CSMD1: variants seen among roughly 807,000 people sequenced by gnomAD.
CSMD1 encodes CUB and sushi domain-containing protein 1.
A neutral mutation model predicts 417.5 loss-of-function variants in CSMD1; 213 were observed. That is an observed-to-expected ratio of 0.51 (90% CI 0.46 to 0.57). The LOEUF is 0.57. CSMD1 is among the 20% of genes least tolerant of loss of function. The probability of loss-of-function intolerance (pLI) is 0.00; values close to 1 mark genes in which losing one functional copy is unlikely to be tolerated. For missense variants in CSMD1, 6,923 were observed against 4,529.7 expected, an observed-to-expected ratio of 1.53 and a Z score of -15.17; for synonymous variants, 2,862 against 1,736.8, an observed-to-expected ratio of 1.65 and a Z score of -16.11.
rs191519506 is a variant in CSMD1 at position 4,557,033 on chromosome 8, T to A, written c.302+80309A>T. On this transcript the variant is annotated intron_variant, in intron 2 of 69. Coordinates refer to ENST00000635120, the MANE Select transcript of CSMD1 (RefSeq NM_033225.6). Reference sequence around the variant, plus strand: ...ATTAAGCAACATTTTTCAAGTGTAATTTTTATAAAGGATTTTTTAACAATC... The same window carrying A: ...ATTAAGCAACATTTTTCAAGTGTAAATTTTATAAAGGATTTTTTAACAATC... Among the ~76,000 whole-genome samples, 912 of 152,318 alleles carry A rather than the reference T, an allele frequency of 6.0e-3. 8 individuals are homozygous for A. Among genetic ancestry groups the A allele is most frequent in the Non-Finnish European group, 6.2e-3 (422 of 68,028 alleles).
At chr8:3,150,441 C>A (rs1819125657) in intron 40 of CSMD1, among the ~76,000 whole-genome samples, 2 of 152,216 alleles carry the variant, frequency 1.3e-5, no homozygotes, top group African/African-American at 4.8e-5. Context: ...CATTCCCCGG[C>A]CACTCTCTGC....
At chr8:3,551,997 A>G (rs12056888) in intron 10 of CSMD1, among the ~76,000 whole-genome samples, 15,749 of 152,244 alleles carry the variant, frequency 0.1, 844 homozygotes, top group Middle Eastern at 0.14. Context: ...AGTGGCAGAA[A>G]CAGGAACTCG....
intron 8 of CSMD1, among the ~76,000 whole-genome samples, chr8:3,611,177 A>G (rs1262626744): frequency 6.6e-6 from 1 of 151,914 alleles, no homozygotes; most frequent in African/African-American, 2.4e-5. Flanking sequence ...GCACATGTAT[A>G]CATACGTAAC....
At chr8:3,083,456 T>A (rs1387942557) in intron 49 of CSMD1, among the ~76,000 whole-genome samples, 4 of 150,292 alleles carry the variant, frequency 2.7e-5, no homozygotes, top group Non-Finnish European at 5.9e-5. Context: ...TAATTTTTTT[T>A]AATTTTTCTG....
chr8:4,038,735 T>A (rs1379983040), intron 3 of CSMD1, among the ~76,000 whole-genome samples: 1 of 152,228 alleles, frequency 6.6e-6, no homozygotes, highest in East Asian at 1.9e-4. Context: ...ATGGGAATTC[T>A]GCGCCCAATG....
chr8:4,022,118 G>T (rs989114981), intron 4 of CSMD1, among the ~76,000 whole-genome samples: 2 of 92,920 alleles, frequency 2.2e-5, no homozygotes, highest in African/African-American at 8.9e-5. Flanking sequence ...AATGGATATA[G>T]AATATATATA....
At chr8:3,319,849 G>A (rs1584993539) in intron 23 of CSMD1, among the ~76,000 whole-genome samples, 1 of 152,134 alleles carries the variant, frequency 6.6e-6, no homozygotes, top group East Asian at 1.9e-4. Context: ...TCTCAGTAAT[G>A]CTTATATTTA....
At chr8:4,073,533 C>T (rs541830364) in intron 3 of CSMD1, among the ~76,000 whole-genome samples, 1 of 152,044 alleles carries the variant, frequency 6.6e-6, no homozygotes, top group Admixed American at 6.5e-5. Flanking sequence ...GTCTTAGTGC[C>T]AGATGGCATA....
intron 1 of CSMD1, among the ~76,000 whole-genome samples, chr8:4,876,888 A>G (rs1020203009): frequency 5.3e-5 from 8 of 152,234 alleles, no homozygotes; most frequent in Admixed American, 1.3e-4. Context: ...AAAAAGGCAA[A>G]GAACACATTG....
At chr8:4,938,761 G>C (rs893986880) in intron 1 of CSMD1, among the ~76,000 whole-genome samples, 1 of 152,198 alleles carries the variant, frequency 6.6e-6, no homozygotes, top group African/African-American at 2.4e-5. Context: ...AAAGTGTGTG[G>C]CCTGTGGGTC....
chr8:3,714,043 GATA>G (rs1294595164), intron 6 of CSMD1, among the ~76,000 whole-genome samples: 4 of 150,530 alleles, frequency 2.7e-5, no homozygotes, highest in African/African-American at 4.9e-5. Context: ...TAGATAGATA[GATA>G]GATAGATAGA....
At chr8:3,450,623 G>A (rs1275521309) in intron 12 of CSMD1, among the ~76,000 whole-genome samples, 1 of 151,050 alleles carries the variant, frequency 6.6e-6, no homozygotes, top group Non-Finnish European at 1.5e-5. Flanking sequence ...CTTCATCCAT[G>A]TCCCTATAAA....
chr8:3,364,498 G>C (rs866893028), intron 20 of CSMD1, among the ~76,000 whole-genome samples: 1 of 152,180 alleles, frequency 6.6e-6, no homozygotes, highest in Admixed American at 6.5e-5. Flanking sequence ...TGTGCAAGTA[G>C]TTTATAATGA....
At chr8:3,415,861 C>G (rs1469817519) in intron 12 of CSMD1, among the ~76,000 whole-genome samples, 1 of 152,108 alleles carries the variant, frequency 6.6e-6, no homozygotes, top group East Asian at 1.9e-4. Context: ...TGTTTAGAAA[C>G]ATATCCCCAA....
At chr8:4,949,321 T>C (rs1808580550) in intron 1 of CSMD1, among the ~76,000 whole-genome samples, 1 of 152,206 alleles carries the variant, frequency 6.6e-6, no homozygotes, top group South Asian at 2.1e-4. Context: ...AAAAGTTATT[T>C]TGGCCTCATT....
intron 5 of CSMD1, among the ~76,000 whole-genome samples, chr8:3,882,458 A>G (rs1459470802): frequency 6.6e-6 from 1 of 152,220 alleles, no homozygotes; most frequent in African/African-American, 2.4e-5. Flanking sequence ...CTACGGTGGT[A>G]TTACAAATCA....
At chr8:4,466,521 A>G (rs1473453007) in intron 2 of CSMD1, among the ~76,000 whole-genome samples, 1 of 152,228 alleles carries the variant, frequency 6.6e-6, no homozygotes, top group East Asian at 1.9e-4. Flanking sequence ...TTAGAAGGCA[A>G]TGGAAAGCTG....
chr8:4,384,721 C>G (rs975894390), intron 3 of CSMD1, among the ~76,000 whole-genome samples: 1 of 152,184 alleles, frequency 6.6e-6, no homozygotes, highest in Admixed American at 6.5e-5. Flanking sequence ...CACGTGCACA[C>G]ACTCTATGGA....
intron 1 of CSMD1, chr8:4,788,018 A>G: frequency 6.3e-7 from 1 of 1,590,358 alleles, no homozygotes. Flanking sequence ...ATCTCAAAGA[A>G]GTAACTCCTG....
Sources: allele counts gnomAD v4.1 joint callset (sites outside exome capture counted in the v4.1 genomes callset), GRCh38; gene constraint gnomAD v4.1.1; transcripts MANE v1.5; gene names NCBI Gene and HGNC (gene_info 2026-07-23, HGNC 2026-07-21).